Variants in MNAT1 observed in about 807,000 individuals in gnomAD.
The protein encoded by MNAT1 is MNAT1 component of CDK activating kinase, also known as CDK-activating kinase assembly factor MAT1.
In MNAT1, 43 loss-of-function variants were observed where a neutral mutation model predicts 42.0. The ratio of observed to expected loss-of-function variants is 1.02; its 90% CI spans 0.80 to 1.32. The LOEUF (loss-of-function observed/expected upper bound fraction) is 1.32. Among genes scored for constraint, MNAT1 ranks in the 40% most tolerant of loss-of-function variants. MNAT1 has a pLI of 0.00. For missense variants in MNAT1, 306 were observed against 350.4 expected (o/e 0.87, Z 1.01); for synonymous variants, 118 against 120.0 (o/e 0.98, Z 0.11).
At chr14:60,881,478 G>A (rs112600734) in intron 7 of MNAT1, among the ~76,000 whole-genome samples, 1 of 152,086 alleles carries the variant, frequency 6.6e-6, no homozygotes, top group Non-Finnish European at 1.5e-5. Context: ...GAACCACTGC[G>A]CCCGGCCCAT....
chr14:60,856,846 A>C (rs530434739), intron 6 of MNAT1, among the ~76,000 whole-genome samples: 1 of 152,074 alleles, frequency 6.6e-6, no homozygotes, highest in East Asian at 1.9e-4. Context: ...ACGCCCAGCT[A>C]ATTTTTTGTA....
chr14:60,889,810 C>G (rs1214365753), intron 7 of MNAT1, among the ~76,000 whole-genome samples: 3 of 152,176 alleles, frequency 2.0e-5, no homozygotes, highest in African/African-American at 7.2e-5. Flanking sequence ...AGACACTTCT[C>G]AAAAGAAGAC....
intron 6 of MNAT1, among the ~76,000 whole-genome samples, chr14:60,859,925 G>C (rs1440570150): frequency 6.6e-6 from 1 of 152,158 alleles, no homozygotes; most frequent in Non-Finnish European, 1.5e-5. Flanking sequence ...GAATGCAAAA[G>C]ACAAAATGCG....
At chr14:60,744,398 C>T (rs1401884133) in intron 1 of MNAT1, among the ~76,000 whole-genome samples, 1 of 151,236 alleles carries the variant, frequency 6.6e-6, no homozygotes, top group Non-Finnish European at 1.5e-5. Context: ...TCCCAAAGTG[C>T]GGGGATTACA....
At chr14:60,804,553 T>G (rs2032307659) in intron 3 of MNAT1, among the ~76,000 whole-genome samples, 1 of 152,128 alleles carries the variant, frequency 6.6e-6, no homozygotes, top group South Asian at 2.1e-4. Flanking sequence ...AGAGATAGGG[T>G]CTCACTCTGT....
intron 6 of MNAT1, among the ~76,000 whole-genome samples, chr14:60,847,265 G>T (rs2033705612): frequency 6.6e-6 from 1 of 152,040 alleles, no homozygotes; most frequent in African/African-American, 2.4e-5. Flanking sequence ...TTAGCTGGGT[G>T]TGTTGGCGGG....
intron 7 of MNAT1, among the ~76,000 whole-genome samples, chr14:60,884,497 T>C (rs1566534122): frequency 6.6e-6 from 1 of 152,068 alleles, no homozygotes; most frequent in Non-Finnish European, 1.5e-5. Context: ...GCAAACACTA[T>C]CTTATAACCC....
Position 60,968,329 on chromosome 14 carries a change from C to A in MNAT1, c.910C>A (p.Leu304Ile). ...AGCACTACAGGATGCATTCAGTGGG[C>A]TTTTCTGGCAGCCCAGTTAACCATT... ...HRALQDAFSG[L>I]FWQPS Residue 304 changes from leucine (L) to isoleucine (I), a missense_variant, in exon 8 of 8, where the codon CTT becomes ATT. Transcript: ENST00000261245. The A allele has an allele frequency of 1.2e-6, 2 of 1,612,296 alleles. No individual in the cohort carries two copies. The highest frequency in any genetic ancestry group is 1.7e-6 in the Non-Finnish European group (2 of 1,179,532).
chr14:60,774,997 G>A (rs1261834836), intron 1 of MNAT1, among the ~76,000 whole-genome samples: 1 of 152,182 alleles, frequency 6.6e-6, no homozygotes, highest in African/African-American at 2.4e-5. Context: ...GATCAGGGCC[G>A]TAATCAGATT....
chr14:60,738,091 A>G (rs1194324659), intron 1 of MNAT1, among the ~76,000 whole-genome samples: 1 of 151,564 alleles, frequency 6.6e-6, no homozygotes, highest in Non-Finnish European at 1.5e-5. Context: ...AAAAAAAAAA[A>G]AAAAAAGATC....
intron 6 of MNAT1, among the ~76,000 whole-genome samples, chr14:60,859,728 C>G (rs1390419945): frequency 1.3e-5 from 2 of 152,128 alleles, no homozygotes; most frequent in African/African-American, 4.8e-5. Flanking sequence ...AGTTCAGTCT[C>G]TTTCCTCTTG....
intron 7 of MNAT1, among the ~76,000 whole-genome samples, chr14:60,945,130 A>G (rs2036245868): frequency 6.6e-6 from 1 of 152,188 alleles, no homozygotes; most frequent in Non-Finnish European, 1.5e-5. Flanking sequence ...TTTTCACTCA[A>G]AGCTTAGTAG....
intron 6 of MNAT1, among the ~76,000 whole-genome samples, chr14:60,846,160 C>T (rs916835545): frequency 6.6e-6 from 1 of 151,090 alleles, no homozygotes; most frequent in Non-Finnish European, 1.5e-5. Context: ...TCCCCATTCT[C>T]CTATTCCTTT....
intron 7 of MNAT1, among the ~76,000 whole-genome samples, chr14:60,913,311 C>G (rs4902017): frequency 3.3e-5 from 5 of 152,022 alleles, no homozygotes; most frequent in African/African-American, 1.2e-4. Context: ...TCTTCTGAAG[C>G]CTTCCTCTCT....
chr14:60,833,395 T>G (rs763354476), intron 6 of MNAT1, among the ~76,000 whole-genome samples: 6 of 152,224 alleles, frequency 3.9e-5, no homozygotes, highest in Non-Finnish European at 7.3e-5. Flanking sequence ...GAAGGGGTAT[T>G]GAATTTTGTT....
At chr14:60,815,415 C>A (rs986746846) in intron 5 of MNAT1, among the ~76,000 whole-genome samples, 2 of 152,116 alleles carry the variant, frequency 1.3e-5, no homozygotes, top group Non-Finnish European at 2.9e-5. Flanking sequence ...TGGGGTTTCA[C>A]CATCTTGGCC....
intron 6 of MNAT1, among the ~76,000 whole-genome samples, chr14:60,834,788 T>C (rs1298372838): frequency 6.6e-6 from 1 of 152,188 alleles, no homozygotes; most frequent in East Asian, 1.9e-4. Flanking sequence ...GGAGGGAGTT[T>C]GTGTGGGAGT....
chr14:60,777,839 G>C (rs1054399650), intron 1 of MNAT1, among the ~76,000 whole-genome samples: 2 of 152,112 alleles, frequency 1.3e-5, no homozygotes, highest in Non-Finnish European at 2.9e-5. Context: ...GCATCTTCTA[G>C]TGGAAAGATT....
chr14:60,956,922 A>AT (rs1170925644), intron 7 of MNAT1, among the ~76,000 whole-genome samples: 6 of 150,846 alleles, frequency 4.0e-5, no homozygotes, highest in African/African-American at 9.7e-5. Flanking sequence ...ATTGGGTCTT[A>AT]TTTTTTTTTA....
Sources: allele counts gnomAD v4.1 joint callset (sites outside exome capture counted in the v4.1 genomes callset), GRCh38; gene constraint gnomAD v4.1.1; transcripts MANE v1.5; gene names NCBI Gene and HGNC (gene_info 2026-07-23, HGNC 2026-07-21).